Variants in CSGALNACT1 observed in about 807,000 individuals in gnomAD.
The protein encoded by CSGALNACT1 is beta4GalNAcT-1.
CSGALNACT1 carries 52 observed loss-of-function variants against 51.0 expected under a neutral mutation model. The ratio of observed to expected loss-of-function variants is 1.02; its 90% CI spans 0.82 to 1.29. CSGALNACT1 has a LOEUF of 1.29. CSGALNACT1 is among the 50% of genes most tolerant of loss of function. The pLI is 0.00. For missense variants in CSGALNACT1, 935 were observed against 679.2 expected, an observed-to-expected ratio of 1.38 and a Z score of -4.19; for synonymous variants, 341 against 254.4, an observed-to-expected ratio of 1.34 and a Z score of -3.24.
intron 1 of CSGALNACT1, among the ~76,000 whole-genome samples, chr8:19,659,086 A>G (rs1004630131): frequency 2.0e-5 from 3 of 152,036 alleles, no homozygotes; most frequent in Admixed American, 2.0e-4. Context: ...ACCACCTTAC[A>G]TGTCTTTACC....
chr8:19,750,714 C>T (rs1042875576), intron 1 of CSGALNACT1, among the ~76,000 whole-genome samples: 2 of 152,190 alleles, frequency 1.3e-5, no homozygotes, highest in Non-Finnish European at 2.9e-5. Context: ...CTTCCTCTCT[C>T]CTGCACTGTC....
At chr8:19,600,868 A>G (rs2050265803) in intron 2 of CSGALNACT1, among the ~76,000 whole-genome samples, 1 of 151,254 alleles carries the variant, frequency 6.6e-6, no homozygotes, top group Non-Finnish European at 1.5e-5. Context: ...AAACCTCTAT[A>G]GACATTTGTT....
intron 1 of CSGALNACT1, among the ~76,000 whole-genome samples, chr8:19,748,446 G>T (rs2064819357): frequency 6.6e-6 from 1 of 152,038 alleles, no homozygotes; most frequent in African/African-American, 2.4e-5. Flanking sequence ...GAGATATAAG[G>T]CCTAAAGCAA....
intron 6 of CSGALNACT1, 33 bp downstream of exon 5, chr8:19,439,797 G>A (rs752000286): frequency 2.0e-6 from 3 of 1,537,984 alleles, no homozygotes; most frequent in South Asian, 2.2e-5. Flanking sequence ...TCAGTTACCA[G>A]GATTCCTTAT....
At chr8:19,747,441 C>A (rs1425078185) in intron 1 of CSGALNACT1, among the ~76,000 whole-genome samples, 1 of 152,158 alleles carries the variant, frequency 6.6e-6, no homozygotes, top group African/African-American at 2.4e-5. Context: ...TCCAGTGAAG[C>A]TGGATAAATT....
chr8:19,523,778 G>A (rs911969467), intron 3 of CSGALNACT1, among the ~76,000 whole-genome samples: 1 of 152,188 alleles, frequency 6.6e-6, no homozygotes, highest in Non-Finnish European at 1.5e-5. Flanking sequence ...CCTCACCAGG[G>A]TAATGGGGAG....
chr8:19,437,128 C>G (rs2060504692), intron 6 of CSGALNACT1, among the ~76,000 whole-genome samples: 1 of 151,900 alleles, frequency 6.6e-6, no homozygotes, highest in Non-Finnish European at 1.5e-5. Flanking sequence ...AATCGCGCAC[C>G]AAGTGCCAGA....
intron 3 of CSGALNACT1, among the ~76,000 whole-genome samples, chr8:19,578,602 C>T (rs1262778110): frequency 6.6e-6 from 1 of 152,178 alleles, no homozygotes; most frequent in African/African-American, 2.4e-5. Flanking sequence ...CCTGTATTCG[C>T]TATGAACTTA....
At chr8:19,638,431 T>C (rs1258286099) in intron 1 of CSGALNACT1, among the ~76,000 whole-genome samples, 1 of 152,208 alleles carries the variant, frequency 6.6e-6, no homozygotes, top group East Asian at 1.9e-4. Flanking sequence ...GCCTTCTTTT[T>C]CCTGCCCTGT....
chr8:19,754,730 C>T (rs1455657139), intron 1 of CSGALNACT1, among the ~76,000 whole-genome samples: 1 of 152,146 alleles, frequency 6.6e-6, no homozygotes, highest in Non-Finnish European at 1.5e-5. Context: ...TGTCGTGAAC[C>T]CAGGAAGTTA....
At chr8:19,414,163 C>T (rs1224643315) in intron 8 of CSGALNACT1, among the ~76,000 whole-genome samples, 2 of 152,184 alleles carry the variant, frequency 1.3e-5, no homozygotes, top group Non-Finnish European at 1.5e-5. Context: ...TTCTCCTGCA[C>T]CCCCTCTTCA....
chr8:19,424,308 A>G (rs561598925), intron 6 of CSGALNACT1, among the ~76,000 whole-genome samples: 21 of 152,242 alleles, frequency 1.4e-4, no homozygotes, highest in Admixed American at 1.4e-3. Context: ...CCAGGTCATT[A>G]TGCTCAGCTA....
intron 3 of CSGALNACT1, among the ~76,000 whole-genome samples, chr8:19,558,219 T>C (rs2039906480): frequency 6.6e-6 from 1 of 152,242 alleles, no homozygotes; most frequent in Non-Finnish European, 1.5e-5. Flanking sequence ...CAAGTATACA[T>C]TTAAGCTACC....
chr8:19,545,339 T>C (rs956029550), intron 3 of CSGALNACT1, among the ~76,000 whole-genome samples: 4 of 152,204 alleles, frequency 2.6e-5, no homozygotes, highest in African/African-American at 9.6e-5. Flanking sequence ...TAACGTTTAA[T>C]TGAACATTTA....
intron 4 of CSGALNACT1, among the ~76,000 whole-genome samples, chr8:19,477,233 G>A (rs1248938443): frequency 2.6e-5 from 4 of 152,146 alleles, no homozygotes; most frequent in South Asian, 2.1e-4. Context: ...CCAGGCATGC[G>A]CTGGAACATA....
chr8:19,411,463 C>T (rs985505389), intron 8 of CSGALNACT1, among the ~76,000 whole-genome samples: 1 of 152,192 alleles, frequency 6.6e-6, no homozygotes, highest in African/African-American at 2.4e-5. Context: ...GAACCAAGAG[C>T]CGTCCCTAGG....
At chr8:19,603,087 C>CACACACAG (rs1554755248), upstream of CSGALNACT1, among the ~76,000 whole-genome samples, 11 of 121,374 alleles carry the variant, frequency 9.1e-5, no homozygotes, top group African/African-American at 3.0e-4. Context: ...CACACACACA[C>CACACACAG]AGAATTGCTC....
intron 4 of CSGALNACT1, among the ~76,000 whole-genome samples, chr8:19,492,480 T>C (rs1462090397): frequency 2.0e-5 from 3 of 152,232 alleles, no homozygotes; most frequent in South Asian, 2.1e-4. Context: ...TAATGTCTAG[T>C]ATGAACTTCA....
chr8:19,571,473 CA>C (rs5889875), intron 3 of CSGALNACT1, among the ~76,000 whole-genome samples: 9,249 of 136,410 alleles, frequency 0.068, 914 homozygotes, highest in African/African-American at 0.23. Context: ...AAAACAAAAA[CA>C]AAAAAAAAAA....
Sources: allele counts gnomAD v4.1 joint callset (sites outside exome capture counted in the v4.1 genomes callset), GRCh38; gene constraint gnomAD v4.1.1; transcripts MANE v1.5; gene names NCBI Gene and HGNC (gene_info 2026-07-23, HGNC 2026-07-21).